Variants in DLGAP2 observed in about 807,000 individuals in gnomAD.
DLGAP2 encodes DLG associated protein 2.
Under a neutral mutation model 100.3 loss-of-function variants are expected in DLGAP2, and 26 were observed. The observed-to-expected ratio is 0.26, with a 90% CI of 0.19 to 0.36. DLGAP2 has a LOEUF of 0.36. Among genes scored for constraint, DLGAP2 ranks in the 10% least tolerant of loss-of-function variants. The pLI is 1.00. For synonymous variants in DLGAP2, 886 were observed against 630.1 expected (o/e 1.41, Z -6.08); for missense variants, 1,858 against 1,453.2 (o/e 1.28, Z -4.53).
intron 3 of DLGAP2, among the ~76,000 whole-genome samples, chr8:1,485,263 A>T (rs1023093317): frequency 9.9e-5 from 15 of 152,206 alleles, no homozygotes; most frequent in Non-Finnish European, 2.1e-4. Flanking sequence ...GATTAGCCAG[A>T]CCCACTCTAC....
At chr8:809,209 A>G (rs914341312) in intron 1 of DLGAP2, among the ~76,000 whole-genome samples, 1 of 152,098 alleles carries the variant, frequency 6.6e-6, no homozygotes, top group Admixed American at 6.5e-5. Context: ...CCGGCCAATG[A>G]TTACTTCTTC....
At chr8:1,487,750 C>T (rs902576095) in intron 3 of DLGAP2, among the ~76,000 whole-genome samples, 7 of 152,204 alleles carry the variant, frequency 4.6e-5, no homozygotes, top group East Asian at 1.9e-4. Context: ...CCCAAGCATG[C>T]ACCACACAGC....
At chr8:1,433,443 G>C (rs1484758217) in intron 3 of DLGAP2, among the ~76,000 whole-genome samples, 2 of 152,220 alleles carry the variant, frequency 1.3e-5, no homozygotes, top group African/African-American at 4.8e-5. Context: ...GGTTTAGAAA[G>C]GTCTTTTTGC....
At chr8:1,333,128 C>G (rs1801196111) in intron 3 of DLGAP2, among the ~76,000 whole-genome samples, 1 of 152,150 alleles carries the variant, frequency 6.6e-6, no homozygotes. Context: ...AGATGGACCT[C>G]CGGCTGCAGG....
At chr8:1,415,192 C>G (rs1435901659) in intron 3 of DLGAP2, among the ~76,000 whole-genome samples, 2 of 152,200 alleles carry the variant, frequency 1.3e-5, no homozygotes, top group Non-Finnish European at 2.9e-5. Flanking sequence ...CTGTGTCTAT[C>G]TTTAATCTGT....
chr8:1,326,485 G>T (rs112597277), intron 3 of DLGAP2, among the ~76,000 whole-genome samples: 1 of 150,514 alleles, frequency 6.6e-6, no homozygotes, highest in Admixed American at 6.6e-5. Flanking sequence ...GCTCGGTCTC[G>T]GTCCGGGCCT....
chr8:1,219,895 T>G (rs562064879), intron 2 of DLGAP2, among the ~76,000 whole-genome samples: 2 of 152,206 alleles, frequency 1.3e-5, no homozygotes, highest in East Asian at 3.9e-4. Flanking sequence ...TTAGTTTGTG[T>G]GCATAGTGGT....
At chr8:1,649,861 A>G (rs1211100025) in intron 8 of DLGAP2, among the ~76,000 whole-genome samples, 1 of 152,184 alleles carries the variant, frequency 6.6e-6, no homozygotes, top group Non-Finnish European at 1.5e-5. Context: ...TGGTTTTGGA[A>G]GCCAGGAAGG....
chr8:845,945 C>G (rs1797063675), intron 1 of DLGAP2, among the ~76,000 whole-genome samples: 1 of 152,116 alleles, frequency 6.6e-6, no homozygotes, highest in Non-Finnish European at 1.5e-5. Context: ...GTCTTGGCAC[C>G]CTTGTCAAAA....
chr8:1,055,692 G>A lies in DLGAP2; in HGVS notation c.73+147726G>A, dbSNP rs1247543745. 2.6e-5 allele frequency among the ~76,000 whole-genome samples: 4 copies of A among 152,162 alleles called. No homozygotes were observed. In the South Asian group the frequency reaches 6.2e-4, roughly 24 times the overall value. ...GTCTTCCAGCTCCTCCACAAAGCAG[G>A]TTCCAGAGCTGCATCCCCTGCCATA... On this transcript the variant is annotated intron_variant, in intron 2 of 14. Transcript: ENST00000637795.
intron 3 of DLGAP2, among the ~76,000 whole-genome samples, chr8:1,420,496 C>G (rs1162488891): frequency 1.3e-5 from 2 of 152,178 alleles, no homozygotes; most frequent in African/African-American, 2.4e-5. Flanking sequence ...TAGCAAATTT[C>G]CTAAACTACA....
rs557183128 is a variant in DLGAP2 at position 812,900 on chromosome 8, G to A, written c.18+75075G>A. ...ATTCCTATTTAAGTATTTAGGTATT[G>A]ATTAGATTAATAGTGCTTTTGAATA... On this transcript the variant is annotated intron_variant, in intron 1 of 14. Coordinates refer to ENST00000637795, the MANE Select transcript of DLGAP2 (RefSeq NM_001346810.2). Among the ~76,000 whole-genome samples, 132 of 152,198 alleles carry A rather than the reference G, an allele frequency of 8.7e-4. 1 individual carries two copies. The highest frequency in any genetic ancestry group is 7.5e-4 in the Non-Finnish European group (51 of 68,038).
chr8:931,683 C>T (rs1031133458), intron 2 of DLGAP2, among the ~76,000 whole-genome samples: 1 of 152,170 alleles, frequency 6.6e-6, no homozygotes, highest in African/African-American at 2.4e-5. Flanking sequence ...TTCCCGTCGT[C>T]CTGGTGGCCA....
At chr8:770,462 A>G (rs113869977) in intron 1 of DLGAP2, among the ~76,000 whole-genome samples, 1 of 152,198 alleles carries the variant, frequency 6.6e-6, no homozygotes, top group African/African-American at 2.4e-5. Flanking sequence ...TTGAATTTTG[A>G]GACTGAAGAT....
intron 2 of DLGAP2, among the ~76,000 whole-genome samples, chr8:971,887 G>A (rs138204415): frequency 2.0e-5 from 3 of 152,250 alleles, no homozygotes; most frequent in African/African-American, 7.2e-5. Flanking sequence ...CACTTGTGAT[G>A]GTTGCAGCCC....
intron 3 of DLGAP2, among the ~76,000 whole-genome samples, chr8:1,364,609 C>T (rs1169865187): frequency 6.6e-6 from 1 of 152,210 alleles, no homozygotes; most frequent in Non-Finnish European, 1.5e-5. Context: ...CGGCGTGCCG[C>T]CTCTTCAGTG....
chr8:1,677,830 A>T (rs914523055), intron 11 of DLGAP2, among the ~76,000 whole-genome samples: 14 of 152,200 alleles, frequency 9.2e-5, no homozygotes, highest in African/African-American at 3.1e-4. Context: ...ACTCAGTATG[A>T]TGTTACTATT....
intron 3 of DLGAP2, among the ~76,000 whole-genome samples, chr8:1,485,399 T>C (rs1052992882): frequency 1.1e-4 from 16 of 152,328 alleles, no homozygotes; most frequent in African/African-American, 3.8e-4. Flanking sequence ...AGATGCAGGA[T>C]TCAAGGAAAA....
At chr8:989,639 T>G (rs1240662569) in intron 2 of DLGAP2, among the ~76,000 whole-genome samples, 1 of 152,196 alleles carries the variant, frequency 6.6e-6, no homozygotes, top group Non-Finnish European at 1.5e-5. Context: ...AAGGCTGATA[T>G]GTATGATTCT....
Sources: gnomAD v4.1 joint callset for allele counts (sites outside exome capture counted in the v4.1 genomes callset) on GRCh38, gnomAD v4.1.1 for gene constraint, MANE v1.5 for transcripts, NCBI Gene and HGNC (gene_info 2026-07-23, HGNC 2026-07-21) for gene names.